QTGAL: variants seen among roughly 807,000 people sequenced by gnomAD.
The protein encoded by QTGAL is queuosine-tRNA galactosyltransferase.
the QTGAL span, among the ~76,000 whole-genome samples, chr17:82,964,502 G>A: frequency 2.0e-5 from 3 of 152,082 alleles, no homozygotes; most frequent in Non-Finnish European, 4.4e-5. Flanking sequence ...ACGCCTACAG[G>A]TGCGTCCCAC....
At chr17:82,960,911 G>A in the QTGAL span, 1 of 1,267,058 alleles carries the variant, frequency 7.9e-7, no homozygotes, top group East Asian at 2.6e-5. Context: ...ATGTGCTGTT[G>A]CCCCGTGTCC....
the QTGAL span, among the ~76,000 whole-genome samples, chr17:83,036,751 C>T: frequency 6.6e-6 from 1 of 152,250 alleles, no homozygotes; most frequent in South Asian, 2.1e-4. Flanking sequence ...GGGCGGTGGG[C>T]AGTCTGGGCA....
the QTGAL span, among the ~76,000 whole-genome samples, chr17:83,020,027 C>G: frequency 6.6e-6 from 1 of 152,158 alleles, no homozygotes; most frequent in Non-Finnish European, 1.5e-5. Context: ...AGCCACTGCA[C>G]CCGGCCAAGA....
the QTGAL span, among the ~76,000 whole-genome samples, chr17:83,010,012 T>TG: frequency 2.4e-5 from 2 of 82,756 alleles, no homozygotes; most frequent in African/African-American, 9.4e-5. Flanking sequence ...TGGGGGGCTG[T>TG]GGGGGCCCCT....
chr17:82,942,977 T>G, the QTGAL span: 1 of 171,960 alleles, frequency 5.8e-6, no homozygotes, highest in Non-Finnish European at 1.2e-5. Context: ...GGGCAGATGC[T>G]GTTTCTGGGC....
the QTGAL span, among the ~76,000 whole-genome samples, chr17:82,958,599 T>C: frequency 4.6e-5 from 7 of 152,006 alleles, no homozygotes; most frequent in African/African-American, 1.7e-4. Flanking sequence ...CCACAGGCAA[T>C]GGGATGGGGG....
the QTGAL span, among the ~76,000 whole-genome samples, chr17:83,043,947 A>G: frequency 6.7e-6 from 1 of 148,504 alleles, no homozygotes; most frequent in South Asian, 2.1e-4. Context: ...AAGAAGAAAT[A>G]AAAAAAATCT....
At chr17:83,020,026 A>G in the QTGAL span, among the ~76,000 whole-genome samples, 1 of 152,136 alleles carries the variant, frequency 6.6e-6, no homozygotes, top group Non-Finnish European at 1.5e-5. Context: ...GAGCCACTGC[A>G]CCCGGCCAAG....
the QTGAL span, among the ~76,000 whole-genome samples, chr17:82,972,754 C>T: frequency 7.3e-6 from 1 of 137,700 alleles, no homozygotes; most frequent in Admixed American, 7.0e-5. Context: ...ATAGAAGGAC[C>T]CAGTACTGAC....
At chr17:83,010,246 G>A in the QTGAL span, among the ~76,000 whole-genome samples, 2,006 of 152,198 alleles carry the variant, frequency 0.013, 49 homozygotes, top group African/African-American at 0.045. Flanking sequence ...CACCAGCACC[G>A]GGGGCTTCGG....
At chr17:83,037,645 G>A in the QTGAL span, among the ~76,000 whole-genome samples, 4 of 152,202 alleles carry the variant, frequency 2.6e-5, no homozygotes, top group African/African-American at 9.6e-5. The surrounding 1 kb of genome is among the most constrained non-coding windows in gnomAD (Gnocchi z 5.2). Flanking sequence ...AAACACAGGC[G>A]GAGGCACCTG....
the QTGAL span, among the ~76,000 whole-genome samples, chr17:83,011,938 CG>C: frequency 2.6e-5 from 4 of 151,136 alleles, no homozygotes; most frequent in Non-Finnish European, 4.4e-5. Flanking sequence ...ACACACGCCA[CG>C]AACTCCTCGT....
the QTGAL span, among the ~76,000 whole-genome samples, chr17:82,962,750 G>T: frequency 1.3e-5 from 2 of 152,190 alleles, no homozygotes; most frequent in African/African-American, 4.8e-5. Context: ...ACAGGTTTAA[G>T]AAGAGAAAAA....
At chr17:83,026,674 G>T in the QTGAL span, among the ~76,000 whole-genome samples, 18 of 138,830 alleles carry the variant, frequency 1.3e-4, no homozygotes, top group African/African-American at 4.8e-4. Flanking sequence ...ACACAGAGCA[G>T]GGCGGGGAGC....
At chr17:83,030,781 C>T in the QTGAL span, 14 of 152,262 alleles carry the variant, frequency 9.2e-5, no homozygotes, top group South Asian at 4.1e-4. Flanking sequence ...TCAGAGGCCT[C>T]GGGGCGGTTC....
At chr17:82,963,458 TA>T in the QTGAL span, among the ~76,000 whole-genome samples, 1 of 152,074 alleles carries the variant, frequency 6.6e-6, no homozygotes, top group African/African-American at 2.4e-5. Flanking sequence ...CAGAGAAAAC[TA>T]AAAACTGGCA....
the QTGAL span, among the ~76,000 whole-genome samples, chr17:83,042,034 T>C: frequency 1.5e-5 from 2 of 135,340 alleles, no homozygotes; most frequent in African/African-American, 5.5e-5. Flanking sequence ...AAGATAGTAC[T>C]ATTTTGGTTT....
chr17:82,986,455 C>T, the QTGAL span, among the ~76,000 whole-genome samples: 2 of 152,270 alleles, frequency 1.3e-5, no homozygotes, highest in Non-Finnish European at 1.5e-5. Context: ...AAATTCGCTT[C>T]CCCACGCTTT....
the QTGAL span, among the ~76,000 whole-genome samples, chr17:83,016,899 A>G: frequency 6.6e-6 from 1 of 152,128 alleles, no homozygotes; most frequent in Non-Finnish European, 1.5e-5. Context: ...CACGTCACTA[A>G]CCTTCAAACA....
Sources: allele counts gnomAD v4.1 joint callset (sites outside exome capture counted in the v4.1 genomes callset), GRCh38; gene constraint gnomAD v4.1.1; non-coding constraint Gnocchi (gnomAD v3.1); transcripts MANE v1.5; gene names NCBI Gene and HGNC (gene_info 2026-07-23, HGNC 2026-07-21).